The following PTPN13 variants were observed in gnomAD, a reference collection of about 807,000 sequenced individuals.
The protein encoded by PTPN13 is tyrosine-protein phosphatase non-receptor type 13.
In PTPN13, 191 loss-of-function variants were observed where a neutral mutation model predicts 284.0. The ratio of observed to expected loss-of-function variants is 0.67; its 90% CI spans 0.60 to 0.76. PTPN13 has a LOEUF of 0.76. Among genes scored for constraint, PTPN13 ranks in the 30% least tolerant of loss-of-function variants. The probability of loss-of-function intolerance (pLI) is 0.00; values close to 1 mark genes in which losing one functional copy is unlikely to be tolerated. For synonymous variants in PTPN13, 986 were observed against 1,022.3 expected, an observed-to-expected ratio of 0.96 and a Z score of 0.68; for missense variants, 2,797 against 2,939.9, an observed-to-expected ratio of 0.95 and a Z score of 1.12.
chr4:86,782,357 T>C lies in PTPN13; in HGVS notation c.6024+95T>C, dbSNP rs189484116. On this transcript the variant is annotated intron_variant, in intron 37 of 47. Transcript: ENST00000411767. ...CCAAACTGATTTCATATTTAAATATTTGTCTTCTTTAGATATTCATATTAA... is the reference window on the plus strand; with the variant it reads ...CCAAACTGATTTCATATTTAAATATCTGTCTTCTTTAGATATTCATATTAA... The C allele has an allele frequency of 4.3e-6, 5 of 1,164,448 alleles. No individual in the cohort carries two copies. In the African/African-American group the frequency reaches 6.1e-5, roughly 14 times the overall value. 72.1% of individuals were successfully genotyped at this position (1,164,448 alleles called of 1,614,324 possible). A position where few individuals can be genotyped will look rare whatever the true frequency, so the allele number is the denominator to read the frequency against.
chr4:86,710,596 A>G (rs948668620), intron 7 of PTPN13, among the ~76,000 whole-genome samples: 1 of 152,224 alleles, frequency 6.6e-6, no homozygotes, highest in African/African-American at 2.4e-5. Flanking sequence ...ACAACTTTAT[A>G]TGGTAAAAGT....
chr4:86,767,271 A>C (rs1739438788), intron 27 of PTPN13, among the ~76,000 whole-genome samples: 1 of 136,916 alleles, frequency 7.3e-6, no homozygotes, highest in African/African-American at 2.8e-5. Context: ...TTGAGATGGA[A>C]TTTCGCTCTT....
At chr4:86,663,201 C>G (rs1726708459) in intron 2 of PTPN13, among the ~76,000 whole-genome samples, 2 of 151,872 alleles carry the variant, frequency 1.3e-5, no homozygotes, top group African/African-American at 4.8e-5. Context: ...GGCTGAGGCC[C>G]CTATAATAAA....
chr4:86,730,416 G>A (rs1348808321), intron 10 of PTPN13, among the ~76,000 whole-genome samples: 2 of 149,870 alleles, frequency 1.3e-5, no homozygotes, highest in Non-Finnish European at 3.0e-5. Context: ...CACAGAGGTG[G>A]AGTCTGTAGA....
Position 86,672,555 on chromosome 4 carries a change from A to G in PTPN13, c.294+12A>G. On this transcript the variant is annotated intron_variant, in intron 3 of 47. Transcript: ENST00000411767. Reference sequence around the variant, plus strand: ...CAGATGTTGAAAAGGTAACTGTTAAATTTTTTTGTTTGTTTTTTTATTTGG... The same window carrying G: ...CAGATGTTGAAAAGGTAACTGTTAAGTTTTTTTGTTTGTTTTTTTATTTGG... The G allele has an allele frequency of 1.9e-6, 3 of 1,581,728 alleles. No homozygotes were observed. The highest frequency in any genetic ancestry group is 2.6e-6 in the Non-Finnish European group (3 of 1,162,322).
chr4:86,639,242 GTTCAACCA>G (rs1723444431), intron 2 of PTPN13, among the ~76,000 whole-genome samples: 1 of 151,896 alleles, frequency 6.6e-6, no homozygotes, highest in African/African-American at 2.4e-5. Flanking sequence ...CTGTAAACTA[GTTCAACCA>G]TTGTGGAAGT....
intron 1 of PTPN13, 122 bp from the exon 2 acceptor site, chr4:86,635,130 C>G (rs1416815295): frequency 9.7e-7 from 1 of 1,031,982 alleles, no homozygotes; most frequent in Non-Finnish European, 1.4e-6. Context: ...AGATTGGTAG[C>G]CATATTGAGA....
intron 41 of PTPN13, among the ~76,000 whole-genome samples, chr4:86,797,654 A>G (rs1418497503): frequency 6.6e-6 from 1 of 152,178 alleles, no homozygotes; most frequent in Non-Finnish European, 1.5e-5. Flanking sequence ...ATGTGGCAAC[A>G]ATCATGATAG....
At chr4:86,698,966 A>G (rs1397615084) in intron 6 of PTPN13, among the ~76,000 whole-genome samples, 1 of 152,222 alleles carries the variant, frequency 6.6e-6, no homozygotes, top group Non-Finnish European at 1.5e-5. Flanking sequence ...ATGAGGAGAT[A>G]GCAACAGAGA....
At position 86,750,785 on chromosome 4, in the gene PTPN13, T is replaced by C. The variant is rs1205627179; in HGVS notation, c.2966T>C (p.Met989Thr). ...YPHRKNVIVN[M>T]EPPPQTVAEL... ...CATCGGAAAAATGTCATTGTTAACATGGAACCCCCACCACAAACCGTTGCA... is the reference window on the plus strand; with the variant it reads ...CATCGGAAAAATGTCATTGTTAACACGGAACCCCCACCACAAACCGTTGCA... The change falls in exon 18 of 48, where the codon ATG (methionine) becomes ACG (threonine). Residue 989 changes from methionine to threonine, a missense_variant. Transcript: ENST00000411767. 1 of 1,613,668 alleles carries C rather than the reference T, an allele frequency of 6.2e-7. No homozygotes were observed. Among genetic ancestry groups the C allele is most frequent in the East Asian group, 2.2e-5 (1 of 44,846 alleles).
intron 1 of PTPN13, among the ~76,000 whole-genome samples, chr4:86,610,065 T>C (rs1480351747): frequency 6.6e-6 from 1 of 152,006 alleles, no homozygotes; most frequent in Admixed American, 6.6e-5. Flanking sequence ...AATACAAAAA[T>C]TGGCCGGGTG....
chr4:86,655,494 C>G (rs1300295348), intron 2 of PTPN13, among the ~76,000 whole-genome samples: 1 of 152,096 alleles, frequency 6.6e-6, no homozygotes, highest in Non-Finnish European at 1.5e-5. Flanking sequence ...TTCTCCTTCA[C>G]TTATGAAGCT....
Position 86,732,447 on chromosome 4 carries a change from A to G in PTPN13, c.1656A>G (p.Ile552Met), listed in dbSNP as rs769296280. 5.6e-5 allele frequency: 90 copies of G among 1,602,420 alleles called. No homozygotes were observed. The highest frequency in any genetic ancestry group is 7.5e-5 in the Non-Finnish European group (88 of 1,173,502). ...TGAAAATGACAATTGAACCATTTATATCTTTGGATTTGCCACGGTCTATTC... is the reference window on the plus strand; with the variant it reads ...TGAAAATGACAATTGAACCATTTATGTCTTTGGATTTGCCACGGTCTATTC... ...EFVKMTIEPF[I>M]SLDLPRSILT... Residue 552 changes from isoleucine to methionine, a missense_variant, in exon 11 of 48, where the codon ATA (isoleucine) becomes ATG (methionine). Coordinates refer to ENST00000411767, the MANE Select transcript of PTPN13 (RefSeq NM_080683.3).
chr4:86,765,456 G>T lies in PTPN13; in HGVS notation c.4211G>T (p.Gly1404Val), dbSNP rs1272618564. The change falls in exon 26 of 48, where the codon GGA becomes GTA. Residue 1404 changes from glycine (G) to valine (V), a missense_variant. Gly to Val is a moderately radical substitution (Grantham distance 109). Coordinates refer to ENST00000411767, the MANE Select transcript of PTPN13 (RefSeq NM_080683.3). ...GIYVKAVIPQ[G>V]AAESDGRIHK... is the part of the protein sequence containing the mutation. ...TATGTGAAAGCTGTTATTCCCCAGG[G>T]AGCAGCAGAGTCTGATGGTAGAATT... 6.3e-7 allele frequency: 1 copy of T among 1,597,548 alleles called. No individual in the cohort carries two copies. The highest frequency in any genetic ancestry group is 8.5e-7 in the Non-Finnish European group (1 of 1,171,290).
chr4:86,718,625 A>G (rs961032867), intron 9 of PTPN13, among the ~76,000 whole-genome samples: 1 of 152,052 alleles, frequency 6.6e-6, no homozygotes. Context: ...TAAGTTTTGT[A>G]TATTCAGTAG....
intron 16 of PTPN13, among the ~76,000 whole-genome samples, chr4:86,742,689 G>C (rs974506379): frequency 1.3e-5 from 2 of 152,068 alleles, no homozygotes; most frequent in Non-Finnish European, 2.9e-5. Flanking sequence ...ATGTTCTCCA[G>C]ACCACCCACA....
At chr4:86,804,097 G>A (rs1226091668) in intron 43 of PTPN13, among the ~76,000 whole-genome samples, 1 of 150,554 alleles carries the variant, frequency 6.6e-6, no homozygotes, top group Admixed American at 6.6e-5. Context: ...TATCCTTCCT[G>A]CCTCATAGTT....
At chr4:86,788,781 T>C (rs1414162058) in intron 40 of PTPN13, among the ~76,000 whole-genome samples, 1 of 152,230 alleles carries the variant, frequency 6.6e-6, no homozygotes, top group African/African-American at 2.4e-5. Context: ...GTTTCTGTCC[T>C]AAATTTGCTT....
rs1232065074 is a variant in PTPN13 at position 86,780,512 on chromosome 4, T to C, written c.5962+40T>C. The C allele has an allele frequency of 3.7e-6, 5 of 1,350,616 alleles. No individual in the cohort carries two copies. In the Admixed American group the frequency reaches 7.3e-5, roughly 20 times the overall value. 83.7% of individuals were successfully genotyped at this position (1,350,616 alleles called of 1,614,324 possible). A position where few individuals can be genotyped will look rare whatever the true frequency, so the allele number is the denominator to read the frequency against. On this transcript the variant is annotated intron_variant, in intron 36 of 47. Coordinates refer to ENST00000411767, the MANE Select transcript of PTPN13 (RefSeq NM_080683.3). ...ATTTTACTGTACTCTCCTACGGTAA[T>C]GGGAATGTAAAATGGCACATCCATT...
Sources: allele counts gnomAD v4.1 joint callset (sites outside exome capture counted in the v4.1 genomes callset), GRCh38; gene constraint gnomAD v4.1.1; transcripts MANE v1.5; gene names NCBI Gene and HGNC (gene_info 2026-07-23, HGNC 2026-07-21).